The following NEMP1 variants were observed in gnomAD, a reference collection of about 807,000 sequenced individuals.
The protein encoded by NEMP1 is nuclear envelope integral membrane protein 1, also known as transmembrane protein 194.
In NEMP1, 29 loss-of-function variants were observed where a neutral mutation model predicts 53.7. The observed-to-expected ratio is 0.54, with a 90% CI of 0.40 to 0.74. The LOEUF is 0.74. NEMP1 is among the 30% of genes least tolerant of loss of function. The pLI is 0.00. For missense variants in NEMP1, 477 were observed against 528.6 expected, an observed-to-expected ratio of 0.90 and a Z score of 0.96; for synonymous variants, 193 against 192.9, an observed-to-expected ratio of 1.00 and a Z score of 0.00.
Position 57,058,093 on chromosome 12 carries a change from T to G in NEMP1, c.*1786A>C, listed in dbSNP as rs971795681. On this transcript the variant is annotated 3_prime_UTR_variant, in exon 9 of 9. Coordinates refer to ENST00000300128, the MANE Select transcript of NEMP1 (RefSeq NM_001130963.2). ...TGTAAAGTTCCTTTTACCCTTCAAC[T>G]GTAACCCATAGCATCTGCCCAAATA... 1 of 152,354 alleles carries G rather than the reference T, an allele frequency of 6.6e-6. No individual in the cohort carries two copies. Among genetic ancestry groups the G allele is most frequent in the South Asian group, 2.1e-4 (1 of 4,830 alleles). 9.4% of individuals were successfully genotyped at this position (152,354 alleles called of 1,614,324 possible).
chr12:57,073,848 G>A (rs1172270810), intron 1 of NEMP1, among the ~76,000 whole-genome samples: 1 of 152,100 alleles, frequency 6.6e-6, no homozygotes, highest in Non-Finnish European at 1.5e-5. Flanking sequence ...TCTGACTATG[G>A]TCTTAAACAC....
chr12:57,064,675 T>C lies in NEMP1; in HGVS notation c.610A>G (p.Ile204Val). ...GGCATAAACTTAGATAGTATAAAAA[T>C]GATGATTAGCAGAGAGGCCACAATT... Reference protein sequence around the residue: ...VGIVASLLIIIFILSKFMPKK... With the variant: ...VGIVASLLIIVFILSKFMPKK... Residue 204 changes from isoleucine (I) to valine (V), a missense_variant, in exon 5 of 9, where the codon ATT becomes GTT. Coordinates refer to ENST00000300128, the MANE Select transcript of NEMP1 (RefSeq NM_001130963.2). The C allele has an allele frequency of 1.9e-6, 3 of 1,612,822 alleles. No homozygotes were observed. The highest frequency in any genetic ancestry group is 1.1e-5 in the South Asian group (1 of 90,858).
intron 1 of NEMP1, among the ~76,000 whole-genome samples, chr12:57,075,096 T>G (rs555807885): frequency 1.7e-5 from 2 of 120,238 alleles, no homozygotes; most frequent in South Asian, 5.1e-4. Context: ...CTCAAAAAAA[T>G]AAATAAGGGG....
At chr12:57,080,021 G>A (rs1222244811), upstream of NEMP1, among the ~76,000 whole-genome samples, 1 of 152,182 alleles carries the variant, frequency 6.6e-6, no homozygotes, top group Non-Finnish European at 1.5e-5. Flanking sequence ...ATGCAGTGGT[G>A]TAACCACAGC....
intron 4 of NEMP1, among the ~76,000 whole-genome samples, chr12:57,064,988 ATAT>A (rs2032004252): frequency 6.6e-6 from 1 of 152,246 alleles, no homozygotes; most frequent in Admixed American, 6.5e-5. Context: ...ATATTATAGT[ATAT>A]TAAGTGTACA....
rs536778882 is a variant in NEMP1, at chr12:57,055,861, A to G, written c.*4018T>C. ...CCTAAGGTATTACCCACAGGCTAAA[A>G]CTTGCCAGTAATTCCTTAGCCCTGC... On this transcript the variant is annotated 3_prime_UTR_variant, in exon 9 of 9. Transcript: ENST00000300128. The G allele has an allele frequency of 2.6e-5, 4 of 152,312 alleles. No individual in the cohort carries two copies. In the South Asian group the frequency reaches 8.3e-4, roughly 32 times the overall value. The allele number at this position is 152,312 out of a possible 1,614,324, so 9.4% of individuals were successfully genotyped here. A position where few individuals can be genotyped will look rare whatever the true frequency, so the allele number is the denominator to read the frequency against.
At chr12:57,077,249 G>A (rs935123470) in intron 1 of NEMP1, among the ~76,000 whole-genome samples, 4 of 148,424 alleles carry the variant, frequency 2.7e-5, no homozygotes, top group African/African-American at 7.5e-5. Context: ...GGAGAATGGC[G>A]TGAACCTGGG....
intron 1 of NEMP1, chr12:57,087,916 G>T (rs975287605): frequency 6.6e-6 from 1 of 152,220 alleles, no homozygotes; most frequent in Non-Finnish European, 1.5e-5. Context: ...TCCCCCAACA[G>T]CCCTCCCAGC....
At chr12:57,067,793 A>G (rs904742585) in intron 4 of NEMP1, among the ~76,000 whole-genome samples, 2 of 152,060 alleles carry the variant, frequency 1.3e-5, no homozygotes, top group Non-Finnish European at 2.9e-5. Flanking sequence ...CCCGACCTGA[A>G]TATTATTATT....
rs376971853 is a variant in NEMP1, at chr12:57,085,989, G to A, written n.113+1962C>T. On this transcript the variant is annotated intron_variant and non_coding_transcript_variant, in intron 1 of 2. Transcript: ENST00000553654. ...CCTGGAGAGGTCCTGGATTTCGGCT[G>A]AAACAAGCAACTATAATTGGAAATG... Among the ~76,000 whole-genome samples, 32 of 152,310 alleles carry A rather than the reference G, an allele frequency of 2.1e-4. No homozygotes were observed. The East Asian group carries it at 3.5e-3, about 17-fold the overall frequency.
At chr12:57,077,398 T>G (rs1305002818) in intron 1 of NEMP1, among the ~76,000 whole-genome samples, 1 of 151,116 alleles carries the variant, frequency 6.6e-6, no homozygotes, top group East Asian at 2.0e-4. Context: ...CTCAGGAGGC[T>G]GAGGCAGGAG....
upstream of NEMP1, chr12:57,088,141 C>T (rs139457910): frequency 1.5e-4 from 23 of 152,240 alleles, no homozygotes; most frequent in African/African-American, 5.5e-4. Flanking sequence ...AGGGTATCGT[C>T]TTTGTCACAC....
rs2031692660 is a variant in NEMP1, at chr12:57,059,513, C to G, written c.*366G>C. On this transcript the variant is annotated 3_prime_UTR_variant, in exon 9 of 9. Transcript: ENST00000300128. ...CTAAAAGCATTCCTGCACTTAACAACAGTTCTTACTTTGGAGAGCCAGCCA... is the reference window on the plus strand; with the variant it reads ...CTAAAAGCATTCCTGCACTTAACAAGAGTTCTTACTTTGGAGAGCCAGCCA... The G allele has an allele frequency of 5.6e-6, 1 of 177,938 alleles. No individual in the cohort carries two copies. The highest frequency in any genetic ancestry group is 2.4e-5 in the African/African-American group (1 of 42,428). The allele number at this position is 177,938 out of a possible 1,614,324, so 11.0% of individuals were successfully genotyped here. A position where few individuals can be genotyped will look rare whatever the true frequency, so the allele number is the denominator to read the frequency against.
At chr12:57,075,729 G>A (rs2032582181) in intron 1 of NEMP1, among the ~76,000 whole-genome samples, 1 of 151,954 alleles carries the variant, frequency 6.6e-6, no homozygotes, top group South Asian at 2.1e-4. Flanking sequence ...CACTTTGGGA[G>A]GCTGAGGCGG....
At chr12:57,067,631 A>G (rs1290686381) in intron 4 of NEMP1, among the ~76,000 whole-genome samples, 3 of 152,212 alleles carry the variant, frequency 2.0e-5, no homozygotes, top group Non-Finnish European at 4.4e-5. Context: ...ATGTGTGACT[A>G]TATTTGCCCA....
chr12:57,062,224 A>G (rs1475728678), intron 7 of NEMP1, among the ~76,000 whole-genome samples: 1 of 152,166 alleles, frequency 6.6e-6, no homozygotes, highest in Non-Finnish European at 1.5e-5. Context: ...TCACGCCTAT[A>G]ATCCTAGCAC....
Position 57,086,230 on chromosome 12 carries a change from G to A in NEMP1, n.113+1721C>T, listed in dbSNP as rs117313188. Among the ~76,000 whole-genome samples, 466 of 152,250 alleles carry A rather than the reference G, an allele frequency of 3.1e-3. 2 individuals are homozygous for A. Among genetic ancestry groups the A allele is most frequent in the Non-Finnish European group, 4.1e-3 (278 of 67,998 alleles). ...ACGACAGTCTCTGCACTCCTCTTCC[G>A]CCCACTTTCCTCCCTTTCCTCGCAA... On this transcript the variant is annotated intron_variant and non_coding_transcript_variant, in intron 1 of 2. Transcript: ENST00000553654.
chr12:57,064,822 GAAAGATTTTA>G, intron 4 of NEMP1, 83 bp from the exon 5 acceptor site: 3 of 1,020,546 alleles, frequency 2.9e-6, no homozygotes, highest in Non-Finnish European at 4.4e-6. Flanking sequence ...TAACCCAGCC[GAAAGATTTTA>G]AAAGGTACAA....
chr12:57,064,332 A>G, intron 5 of NEMP1, 147 bp from the exon 6 acceptor site: 6 of 583,348 alleles, frequency 1.0e-5, no homozygotes, highest in Non-Finnish European at 1.8e-5. Context: ...GATGTCCTTT[A>G]TACTTAAAAT....
Sources: gnomAD v4.1 joint callset for allele counts (sites outside exome capture counted in the v4.1 genomes callset) on GRCh38, gnomAD v4.1.1 for gene constraint, MANE v1.5 for transcripts, NCBI Gene and HGNC (gene_info 2026-07-23, HGNC 2026-07-21) for gene names.